FAM151B: variants seen among roughly 807,000 people sequenced by gnomAD.
FAM151B encodes protein FAM151B.
Under a neutral mutation model 31.2 loss-of-function variants are expected in FAM151B, and 24 were observed. That is an observed-to-expected ratio of 0.77 (90% CI 0.56 to 1.08). The LOEUF (loss-of-function observed/expected upper bound fraction) is 1.08. Among genes scored for constraint, FAM151B ranks in the 50% least tolerant of loss-of-function variants. The pLI is 0.00. For synonymous variants in FAM151B, 105 were observed against 111.4 expected, an observed-to-expected ratio of 0.94 and a Z score of 0.36; for missense variants, 293 against 328.6, an observed-to-expected ratio of 0.89 and a Z score of 0.84.
chr5:80,531,437 G>C (rs970995676), intron 5 of FAM151B, among the ~76,000 whole-genome samples: 3 of 152,144 alleles, frequency 2.0e-5, no homozygotes, highest in African/African-American at 7.2e-5. Flanking sequence ...ACTACCATCA[G>C]AGTGAACAGG....
chr5:80,492,488 G>A (rs1743368791), intron 1 of FAM151B, among the ~76,000 whole-genome samples: 1 of 152,096 alleles, frequency 6.6e-6, no homozygotes, highest in Admixed American at 6.6e-5. Flanking sequence ...AATAAATATG[G>A]TGTGTGTTCA....
intron 5 of FAM151B, among the ~76,000 whole-genome samples, chr5:80,535,871 G>A (rs1745478435): frequency 6.6e-6 from 1 of 152,096 alleles, no homozygotes; most frequent in African/African-American, 2.4e-5. Context: ...GAATATATAA[G>A]TAGCTCAAAC....
chr5:80,505,749 ATTTTTTTTTTTT>A (rs386404255), intron 2 of FAM151B, among the ~76,000 whole-genome samples: 14 of 77,882 alleles, frequency 1.8e-4, no homozygotes, highest in African/African-American at 7.6e-4. Context: ...TCCTATAAGA[ATTTTTTTTTTTT>A]TTTTTTTTTT....
Position 80,501,690 on chromosome 5 carries a change from T to G in FAM151B, c.26-102T>G, listed in dbSNP as rs1047454553. 7 of 727,156 alleles carry G rather than the reference T, an allele frequency of 9.6e-6. No individual in the cohort carries two copies. In the African/African-American group the frequency reaches 1.1e-4, roughly 11 times the overall value. The allele number at this position is 727,156 out of a possible 1,614,324, so 45.0% of individuals were successfully genotyped here. A position where few individuals can be genotyped will look rare whatever the true frequency, so the allele number is the denominator to read the frequency against. On this transcript the variant is annotated intron_variant, in intron 1 of 5. Transcript: ENST00000282226. ...TATCTATCTATATATATATATCACA[T>G]AACAGCATATGTGTATCTTAAATAT...
At chr5:80,504,874 C>T (rs1743892734) in intron 2 of FAM151B, among the ~76,000 whole-genome samples, 1 of 152,174 alleles carries the variant, frequency 6.6e-6, no homozygotes, top group South Asian at 2.1e-4. Flanking sequence ...CAACCCCCTT[C>T]CCCAACTTCA....
chr5:80,502,201 G>A (rs1320323527), intron 2 of FAM151B, among the ~76,000 whole-genome samples: 2 of 152,030 alleles, frequency 1.3e-5, no homozygotes, highest in Non-Finnish European at 2.9e-5. Context: ...CATCACACCA[G>A]GCTGAACATT....
At chr5:80,539,781 C>G (rs767966098) in intron 5 of FAM151B, among the ~76,000 whole-genome samples, 2 of 150,430 alleles carry the variant, frequency 1.3e-5, no homozygotes, top group Non-Finnish European at 2.9e-5. Context: ...CATGAGCCAC[C>G]GTGCCCTGCC....
intron 1 of FAM151B, among the ~76,000 whole-genome samples, chr5:80,489,425 A>T (rs1743231580): frequency 6.6e-6 from 1 of 152,088 alleles, no homozygotes; most frequent in South Asian, 2.1e-4. Flanking sequence ...TGCTCTTCTC[A>T]GTATAAATCC....
In FAM151B at chr5:80,492,312, A is replaced by C. The variant is rs138760852; in HGVS notation, c.25+4164A>C. Among the ~76,000 whole-genome samples, 367 of 152,228 alleles carry C rather than the reference A, an allele frequency of 2.4e-3. 2 individuals carry two copies. Among genetic ancestry groups the C allele is most frequent in the African/African-American group, 8.7e-3 (360 of 41,534 alleles). On this transcript the variant is annotated intron_variant, in intron 1 of 5. Transcript: ENST00000282226. ...TTCTTGCAATATTTCAAATTTTAAA[A>C]TTATTATATTTATTATGGTGATCTG...
At chr5:80,521,863 C>A in intron 4 of FAM151B, 140 bp from the exon 5 acceptor site, 1 of 542,772 alleles carries the variant, frequency 1.8e-6, no homozygotes, top group Non-Finnish European at 2.9e-6. Context: ...TTTTAATTGA[C>A]TTAGAATCCA....
chr5:80,525,598 C>T lies in FAM151B; in HGVS notation c.671+3460C>T, dbSNP rs150224383. ...CAGGAGGGTGGAGGATCTTCTCCAA[C>T]GGTCATCTAGAGCCTAGGTTCATTC... On this transcript the variant is annotated intron_variant, in intron 5 of 5. Transcript: ENST00000282226. 3.3e-5 allele frequency among the ~76,000 whole-genome samples: 5 copies of T among 152,216 alleles called. No homozygotes were observed. The East Asian group carries it at 7.7e-4, about 24-fold the overall frequency.
intron 5 of FAM151B, among the ~76,000 whole-genome samples, chr5:80,525,412 C>T (rs1044518646): frequency 6.6e-6 from 1 of 152,158 alleles, no homozygotes; most frequent in African/African-American, 2.4e-5. Flanking sequence ...ATCCACTCTG[C>T]AGTAACACCC....
At chr5:80,527,355 A>G (rs1745017180) in intron 5 of FAM151B, among the ~76,000 whole-genome samples, 1 of 152,166 alleles carries the variant, frequency 6.6e-6, no homozygotes, top group Non-Finnish European at 1.5e-5. Flanking sequence ...CCTGGAAGGC[A>G]GAAGTTGTAG....
intron 1 of FAM151B, among the ~76,000 whole-genome samples, chr5:80,489,436 T>G (rs898420190): frequency 6.6e-6 from 1 of 152,188 alleles, no homozygotes; most frequent in Non-Finnish European, 1.5e-5. Context: ...GTATAAATCC[T>G]TTTAATGCCT....
chr5:80,500,968 T>C (rs1743718460), intron 1 of FAM151B: 1 of 691,180 alleles, frequency 1.4e-6, no homozygotes. Context: ...CTTCAAATTA[T>C]CTTCGCCATG....
rs1445345936 is a variant in FAM151B at position 80,519,882 on chromosome 5, A to G, written c.507A>G (p.Thr169=). 1 of 1,614,022 alleles carries G rather than the reference A, an allele frequency of 6.2e-7. No individual in the cohort carries two copies. The highest frequency in any genetic ancestry group is 1.1e-5 in the South Asian group (1 of 91,082). ...TGACGTTTTCCCTGGGTTGGACAACAGGATGGCATCCTGAGAAAGTCAATG... is the reference window on the plus strand; with the variant it reads ...TGACGTTTTCCCTGGGTTGGACAACGGGATGGCATCCTGAGAAAGTCAATG... The part of the protein sequence containing the change: ...PDVTFSLGWT[T]GWHPEKVNEG... The change falls in exon 4 of 6, where the codon ACA becomes ACG. Residue 169 remains threonine (T), a synonymous_variant. Coordinates refer to ENST00000282226, the MANE Select transcript of FAM151B (RefSeq NM_205548.3).
rs1745921797 is a variant in FAM151B, at chr5:80,542,013, G to A, written c.*181G>A. ...CTTATAATAGTGCACTTACATAAAAGATTTGGAAAGAAGAGATTTATTTAC... is the reference window on the plus strand; with the variant it reads ...CTTATAATAGTGCACTTACATAAAAAATTTGGAAAGAAGAGATTTATTTAC... On this transcript the variant is annotated 3_prime_UTR_variant, in exon 6 of 6. Coordinates refer to ENST00000282226, the MANE Select transcript of FAM151B (RefSeq NM_205548.3). The A allele has an allele frequency of 1.7e-6, 1 of 598,646 alleles. No individual in the cohort carries two copies. The highest frequency in any genetic ancestry group is 1.9e-5 in the African/African-American group (1 of 52,788). 37.1% of individuals were successfully genotyped at this position (598,646 alleles called of 1,614,324 possible).
In FAM151B at chr5:80,521,574, A is replaced by G. The variant is rs143148756; in HGVS notation, c.536-429A>G. 3.6e-3 allele frequency among the ~76,000 whole-genome samples: 553 copies of G among 152,340 alleles called. 3 individuals carry two copies. Among genetic ancestry groups the G allele is most frequent in the African/African-American group, 0.013 (537 of 41,576 alleles). On this transcript the variant is annotated intron_variant, in intron 4 of 5. Transcript: ENST00000282226. ...GATGTTAACTATCACTTAAACAGCT[A>G]GCATATACCCCAAAGCAACCTTTCT...
rs1277145314 is a variant in FAM151B at position 80,491,470 on chromosome 5, G to A, written c.25+3322G>A. Among the ~76,000 whole-genome samples, 6 of 152,086 alleles carry A rather than the reference G, an allele frequency of 3.9e-5. No homozygotes were observed. In the East Asian group the frequency reaches 9.6e-4, roughly 24 times the overall value. On this transcript the variant is annotated intron_variant, in intron 1 of 5. Coordinates refer to ENST00000282226, the MANE Select transcript of FAM151B (RefSeq NM_205548.3). ...ACTACTGAGCTTAAGCAGTCCTTCC[G>A]CCTCAGCCTCCCAAAGTGCTGGAGT...
Sources: allele counts gnomAD v4.1 joint callset (sites outside exome capture counted in the v4.1 genomes callset), GRCh38; gene constraint gnomAD v4.1.1; transcripts MANE v1.5; gene names NCBI Gene and HGNC (gene_info 2026-07-23, HGNC 2026-07-21).